Variants in CDC7 observed in about 807,000 individuals in gnomAD.
CDC7 encodes the protein cell division cycle 7.
Under a neutral mutation model 53.5 loss-of-function variants are expected in CDC7, and 34 were observed. That is an observed-to-expected ratio of 0.64 (90% confidence interval 0.48 to 0.85). CDC7 has a LOEUF of 0.85. CDC7 is among the 40% of genes least tolerant of loss of function. The probability of loss-of-function intolerance (pLI) is 0.00; values close to 1 mark genes in which losing one functional copy is unlikely to be tolerated. For missense variants in CDC7, 594 were observed against 679.7 expected (o/e 0.87, Z 1.40); for synonymous variants, 211 against 222.8 (o/e 0.95, Z 0.47).
At chr1:91,524,004 T>G (rs1668130648) in intron 11 of CDC7, 37 bp from the exon 12 acceptor site, 2 of 1,514,196 alleles carry the variant, frequency 1.3e-6, no homozygotes, top group South Asian at 1.3e-5. Context: ...AATAAAATGT[T>G]TTTTTCTGTT....
intron 2 of CDC7, among the ~76,000 whole-genome samples, chr1:91,505,199 A>T (rs1467884434): frequency 6.6e-6 from 1 of 152,118 alleles, no homozygotes; most frequent in Non-Finnish European, 1.5e-5. Flanking sequence ...GGCAAGTACA[A>T]AGACCCTGAG....
intron 2 of CDC7, among the ~76,000 whole-genome samples, chr1:91,505,618 C>T (rs2102330315): frequency 6.6e-6 from 1 of 152,272 alleles, no homozygotes; most frequent in South Asian, 2.1e-4. Flanking sequence ...TTTTCGGGAT[C>T]CTCCTCCAGT....
intron 8 of CDC7, 120 bp downstream of exon 8, chr1:91,514,163 A>G: frequency 1.7e-6 from 1 of 579,112 alleles, no homozygotes; most frequent in Non-Finnish European, 3.0e-6. Flanking sequence ...TGGCTTTGGC[A>G]GAAGGTATTA....
In CDC7 at chr1:91,508,326, T is replaced by C; in HGVS notation, c.264T>C (p.Ala88=). Residue 88 remains alanine, a synonymous_variant, in exon 4 of 12, where the codon GCT becomes GCC. Coordinates refer to ENST00000234626, the MANE Select transcript of CDC7 (RefSeq NM_003503.4). ...QLQVGPEEKI[A]LKHLIPTSHP... is the part of the protein sequence containing the mutation. ...AAGTAGGACCTGAAGAGAAAATTGCTCTAAAACACTTGATTCCAACAAGTC... is the reference window on the plus strand; with the variant it reads ...AAGTAGGACCTGAAGAGAAAATTGCCCTAAAACACTTGATTCCAACAAGTC... 3.7e-6 allele frequency: 6 copies of C among 1,612,566 alleles called. No individual in the cohort carries two copies. The highest frequency in any genetic ancestry group is 5.1e-6 in the Non-Finnish European group (6 of 1,179,002).
At chr1:91,503,055 G>A (rs991541747) in intron 2 of CDC7, among the ~76,000 whole-genome samples, 1 of 151,942 alleles carries the variant, frequency 6.6e-6, no homozygotes, top group Non-Finnish European at 1.5e-5. Context: ...ACCCCTTGGC[G>A]GCAGTATCTC....
chr1:91,501,978 G>C (rs550607642), intron 2 of CDC7, 147 bp downstream of exon 2: 2 of 653,434 alleles, frequency 3.1e-6, no homozygotes, highest in East Asian at 2.7e-5. Context: ...AGCTTCGTAT[G>C]ATCTAAATGT....
chr1:91,504,689 C>G lies in CDC7; in HGVS notation c.115+2858C>G, dbSNP rs1031035778. Among the ~76,000 whole-genome samples, 6 of 152,242 alleles carry G rather than the reference C, an allele frequency of 3.9e-5. No homozygotes were observed. The South Asian group carries it at 1.2e-3, about 32-fold the overall frequency. On this transcript the variant is annotated intron_variant, in intron 2 of 11. Transcript: ENST00000234626. ...TTATTATTCCTGCTGCCTTTTCACT[C>G]AAGAGTGTCCCAGTTTGGGCTTATA...
rs1324776702 is a variant in CDC7, at chr1:91,524,462, G to C, written c.*27G>C. ...AATGGATCTTCATTTAATGTTTACT[G>C]TTATGAGGTAGAATAAAAAAGAATA... On this transcript the variant is annotated 3_prime_UTR_variant, in exon 12 of 12. Coordinates refer to ENST00000234626, the MANE Select transcript of CDC7 (RefSeq NM_003503.4). 1.3e-6 allele frequency: 2 copies of C among 1,533,438 alleles called. No individual in the cohort carries two copies. Among genetic ancestry groups the C allele is most frequent in the South Asian group, 2.4e-5 (2 of 83,900 alleles). 95.0% of individuals were successfully genotyped at this position (1,533,438 alleles called of 1,614,324 possible).
chr1:91,510,576 A>C (rs1667235124), intron 4 of CDC7, among the ~76,000 whole-genome samples: 1 of 152,204 alleles, frequency 6.6e-6, no homozygotes, highest in Non-Finnish European at 1.5e-5. Flanking sequence ...GCTTGCATAC[A>C]TTCTTGTACC....
At chr1:91,508,921 A>G (rs1667124055) in intron 4 of CDC7, among the ~76,000 whole-genome samples, 1 of 152,038 alleles carries the variant, frequency 6.6e-6, no homozygotes, top group Non-Finnish European at 1.5e-5. Context: ...ATCTGCATAC[A>G]TTGTTTTCAT....
At chr1:91,511,214 C>G (rs1667270195) in intron 4 of CDC7, among the ~76,000 whole-genome samples, 1 of 152,086 alleles carries the variant, frequency 6.6e-6, no homozygotes, top group Non-Finnish European at 1.5e-5. Context: ...GAACATATAT[C>G]TGGAGCAAAA....
At position 91,524,129 on chromosome 1, in the gene CDC7, C is replaced by T. The variant is rs757607816; in HGVS notation, c.1419C>T (p.Pro473=). ...ERLRGMDSST[P]KLTSDIQGHA... ...TCAGGGGTATGGATTCTAGCACTCC[C>T]AAGTTAACAAGTGATATACAAGGGC... The change falls in exon 12 of 12, where the codon CCC becomes CCT. Residue 473 remains proline (P), a synonymous_variant. Transcript: ENST00000234626. 3.1e-6 allele frequency: 5 copies of T among 1,613,892 alleles called. No individual in the cohort carries two copies. The highest frequency in any genetic ancestry group is 1.3e-5 in the African/African-American group (1 of 74,984).
At chr1:91,517,806 A>G (rs1048219942) in intron 10 of CDC7, among the ~76,000 whole-genome samples, 9 of 152,102 alleles carry the variant, frequency 5.9e-5, no homozygotes, top group African/African-American at 2.2e-4. Flanking sequence ...GAGCTAAGAA[A>G]GGCAAGTAGG....
Position 91,514,905 on chromosome 1 carries a change from T to G in CDC7, c.1005T>G (p.Ser335Arg), listed in dbSNP as rs1245701816. Reference sequence around the variant, plus strand: ...CTATTTCTACAAAAGTTATGAATAGTGCTGTGATGAGGAAAACTGCCAGTT... The same window carrying G: ...CTATTTCTACAAAAGTTATGAATAGGGCTGTGATGAGGAAAACTGCCAGTT... ...KKAISTKVMN[S>R]AVMRKTASSC... The change falls in exon 9 of 12, where the codon AGT becomes AGG. Residue 335 changes from serine (S) to arginine (R), a missense_variant. By Grantham distance (110) the Ser-to-Arg change is moderately radical. Transcript: ENST00000234626. 1 of 1,613,536 alleles carries G rather than the reference T, an allele frequency of 6.2e-7. No individual in the cohort carries two copies. The highest frequency in any genetic ancestry group is 8.5e-7 in the Non-Finnish European group (1 of 1,179,626).
At chr1:91,524,005 T>C in intron 11 of CDC7, 36 bp from the exon 12 acceptor site, 1 of 1,521,108 alleles carries the variant, frequency 6.6e-7, no homozygotes, top group African/African-American at 1.4e-5. Flanking sequence ...ATAAAATGTT[T>C]TTTTCTGTTT....
intron 6 of CDC7, among the ~76,000 whole-genome samples, 163 bp from the exon 7 acceptor site, chr1:91,512,895 T>C (rs978856965): frequency 4.6e-5 from 7 of 152,174 alleles, no homozygotes; most frequent in African/African-American, 1.7e-4. Flanking sequence ...AATTCTTACT[T>C]TGTCTGGAAA....
chr1:91,501,320 C>G (rs1666655603), intron 1 of CDC7: 1 of 192,694 alleles, frequency 5.2e-6, no homozygotes, highest in South Asian at 1.2e-4. Context: ...TCCCTCAGTT[C>G]TTTTCCTGAC....
chr1:91,513,104 A>C lies in CDC7; in HGVS notation c.619A>C (p.Lys207Gln), dbSNP rs1411938221. The change falls in exon 7 of 12, where the codon AAA (lysine) becomes CAA (glutamine). Residue 207 changes from lysine to glutamine, a missense_variant. By Grantham distance (53) the Lys-to-Gln change is moderately conservative. Transcript: ENST00000234626. ...TTTGGCCCAAGGAACCCATGATACGAAAATAGAGCTTCTTAAATTTGTCCA... is the reference window on the plus strand; with the variant it reads ...TTTGGCCCAAGGAACCCATGATACGCAAATAGAGCTTCTTAAATTTGTCCA... The part of the protein sequence containing the change: ...FGLAQGTHDT[K>Q]IELLKFVQSE... 1 of 1,613,504 alleles carries C rather than the reference A, an allele frequency of 6.2e-7. No individual in the cohort carries two copies. The highest frequency in any genetic ancestry group is 2.2e-5 in the East Asian group (1 of 44,884).
chr1:91,508,209 CATT>C (rs1237644785), intron 3 of CDC7, 50 bp from the exon 4 acceptor site: 3 of 1,433,044 alleles, frequency 2.1e-6, no homozygotes, highest in Non-Finnish European at 1.9e-6. Context: ...AGAATTGTTT[CATT>C]AACATTTTTA....
Sources: allele counts gnomAD v4.1 joint callset (sites outside exome capture counted in the v4.1 genomes callset), GRCh38; gene constraint gnomAD v4.1.1; transcripts MANE v1.5; gene names NCBI Gene and HGNC (gene_info 2026-07-23, HGNC 2026-07-21).